The following NCKAP5 variants were observed in gnomAD, a reference collection of about 807,000 sequenced individuals.
The protein encoded by NCKAP5 is nck-associated protein 5.
In NCKAP5, 92 loss-of-function variants were observed where a neutral mutation model predicts 167.0. The observed-to-expected ratio is 0.55, with a 90% CI of 0.47 to 0.66. NCKAP5 has a LOEUF of 0.66. NCKAP5 is among the 30% of genes least tolerant of loss of function. The pLI, the probability that NCKAP5 is intolerant of heterozygous loss-of-function variation, is 0.00. For missense variants in NCKAP5, 2,378 were observed against 2,315.0 expected, an observed-to-expected ratio of 1.03 and a Z score of -0.56; for synonymous variants, 891 against 877.4, an observed-to-expected ratio of 1.02 and a Z score of -0.27.
chr2:132,944,932 T>C (rs1319972167), intron 8 of NCKAP5, among the ~76,000 whole-genome samples: 2 of 151,986 alleles, frequency 1.3e-5, no homozygotes, highest in African/African-American at 4.8e-5. Context: ...CAGAGATGGG[T>C]TCAGGAGTTA....
In NCKAP5 at chr2:133,130,489, T is replaced by A. The variant is rs72998891; in HGVS notation, c.208-378A>T. Among the ~76,000 whole-genome samples the A allele has an allele frequency of 2.8e-3, 426 of 152,336 alleles. 3 individuals are homozygous for A. The highest frequency in any genetic ancestry group is 9.7e-3 in the African/African-American group (403 of 41,556). On this transcript the variant is annotated intron_variant, in intron 5 of 19. Coordinates refer to ENST00000409261, the MANE Select transcript of NCKAP5 (RefSeq NM_207363.3). ...TTATTACCTGTTCAGAATTATTTCA[T>A]CTCTTCCATCTCTGGTATATCCTTG...
chr2:133,365,321 T>C (rs986328898), intron 3 of NCKAP5, among the ~76,000 whole-genome samples: 3 of 152,196 alleles, frequency 2.0e-5, no homozygotes, highest in South Asian at 2.1e-4. Flanking sequence ...GCGAAGCACA[T>C]TGTCTGATAG....
intron 8 of NCKAP5, among the ~76,000 whole-genome samples, chr2:132,945,320 C>T (rs75865598): frequency 0.01 from 1,598 of 152,200 alleles, 31 homozygotes; most frequent in African/African-American, 0.035. Context: ...TGATCATAAG[C>T]ACAGTCAGGG....
intron 5 of NCKAP5, among the ~76,000 whole-genome samples, chr2:133,143,602 G>A (rs952618891): frequency 3.3e-5 from 5 of 152,050 alleles, no homozygotes; most frequent in Admixed American, 1.3e-4. Flanking sequence ...CAATTAAAGT[G>A]CACCTCCTTA....
At chr2:132,909,084 T>G (rs527377188) in intron 8 of NCKAP5, among the ~76,000 whole-genome samples, 1 of 152,292 alleles carries the variant, frequency 6.6e-6, no homozygotes, top group South Asian at 2.1e-4. Flanking sequence ...CGGTGGCTCA[T>G]GCCTGTAATC....
intron 6 of NCKAP5, among the ~76,000 whole-genome samples, chr2:133,091,807 A>C (rs1235124416): frequency 6.6e-6 from 1 of 152,106 alleles, no homozygotes; most frequent in Non-Finnish European, 1.5e-5. Flanking sequence ...GAATGGTGTG[A>C]ACCTGGGAGG....
At chr2:133,564,999 G>A (rs1416276502) in intron 1 of NCKAP5, among the ~76,000 whole-genome samples, 2 of 152,214 alleles carry the variant, frequency 1.3e-5, no homozygotes, top group African/African-American at 4.8e-5. Context: ...GTGAACCAAT[G>A]CGGACGGAGT....
At chr2:133,602,077 G>A in the NCKAP5 span, among the ~76,000 whole-genome samples, 1 of 152,238 alleles carries the variant, frequency 6.6e-6, no homozygotes, top group Non-Finnish European at 1.5e-5. Context: ...AGGGAGACCA[G>A]TGAAGAAGCT....
intron 7 of NCKAP5, among the ~76,000 whole-genome samples, chr2:132,992,627 T>C (rs1046159513): frequency 1.6e-4 from 24 of 152,212 alleles, no homozygotes; most frequent in Non-Finnish European, 3.5e-4. Flanking sequence ...ACCTCAACTT[T>C]GTACCAAAGC....
Position 132,813,814 on chromosome 2 carries a change from G to A in NCKAP5, c.808-17085C>T, listed in dbSNP as rs2081985657. ...TTATGTAGAATTATTTATAAGATGG[G>A]TGCTTCCTTACATTATTAAAGGAAA... On this transcript the variant is annotated intron_variant, in intron 11 of 19. Transcript: ENST00000409261. Among the ~76,000 whole-genome samples the A allele has an allele frequency of 3.9e-5, 6 of 152,184 alleles. No homozygotes were observed. In the South Asian group the frequency reaches 1.2e-3, roughly 31 times the overall value.
chr2:133,265,103 G>A (rs577303640), intron 4 of NCKAP5: 1 of 152,322 alleles, frequency 6.6e-6, no homozygotes, highest in Admixed American at 6.5e-5. Context: ...AAATGCTCTT[G>A]TAAGCGTTTG....
chr2:133,180,035 A>G (rs921299198), intron 5 of NCKAP5, among the ~76,000 whole-genome samples: 1 of 152,206 alleles, frequency 6.6e-6, no homozygotes, highest in Non-Finnish European at 1.5e-5. Flanking sequence ...AAGACAAACC[A>G]TCGTCAAGCT....
At chr2:133,078,298 T>C (rs1559117384) in intron 6 of NCKAP5, among the ~76,000 whole-genome samples, 1 of 152,332 alleles carries the variant, frequency 6.6e-6, no homozygotes, top group African/African-American at 2.4e-5. Context: ...TGCTTGGAGC[T>C]GCAGGTGAAT....
chr2:132,717,376 C>T (rs1015485994), intron 19 of NCKAP5, among the ~76,000 whole-genome samples: 3 of 152,156 alleles, frequency 2.0e-5, no homozygotes, highest in Non-Finnish European at 2.9e-5. Context: ...GTTTGGATTT[C>T]GTTGAACCCA....
chr2:133,236,792 G>A (rs1157833868), intron 4 of NCKAP5, among the ~76,000 whole-genome samples: 1 of 152,162 alleles, frequency 6.6e-6, no homozygotes, highest in African/African-American at 2.4e-5. Context: ...GTTCAAGCTT[G>A]GGAATCTCAG....
chr2:132,696,522 A>G (rs1687325038), intron 19 of NCKAP5, among the ~76,000 whole-genome samples: 1 of 152,156 alleles, frequency 6.6e-6, no homozygotes, highest in African/African-American at 2.4e-5. Flanking sequence ...TCACTGAGGT[A>G]GATTCTCTTA....
chr2:133,605,012 A>G, the NCKAP5 span, among the ~76,000 whole-genome samples: 1 of 152,186 alleles, frequency 6.6e-6, no homozygotes, highest in East Asian at 1.9e-4. Flanking sequence ...TGGGAAAGAT[A>G]TTTTCTTTCT....
At chr2:133,448,750 C>T (rs1287146627) in intron 3 of NCKAP5, among the ~76,000 whole-genome samples, 1 of 152,168 alleles carries the variant, frequency 6.6e-6, no homozygotes. Flanking sequence ...GGAGATCCTC[C>T]TACCTCAGCT....
chr2:133,514,581 T>C (rs914852387), intron 3 of NCKAP5, among the ~76,000 whole-genome samples: 1 of 152,230 alleles, frequency 6.6e-6, no homozygotes, highest in Non-Finnish European at 1.5e-5. Context: ...TAGCACCTTA[T>C]TCTTGCAATA....
Sources: allele counts gnomAD v4.1 joint callset (sites outside exome capture counted in the v4.1 genomes callset), GRCh38; gene constraint gnomAD v4.1.1; transcripts MANE v1.5; gene names NCBI Gene and HGNC (gene_info 2026-07-23, HGNC 2026-07-21).